The following MGAT4C variants were observed in gnomAD, a reference collection of about 807,000 sequenced individuals.
MGAT4C encodes MGAT4 family member C.
In MGAT4C, 19 loss-of-function variants were observed where a neutral mutation model predicts 40.1. The observed-to-expected ratio is 0.47, with a 90% CI of 0.33 to 0.70. MGAT4C has a LOEUF of 0.70. Ranked by LOEUF, MGAT4C falls within the 30% of genes least tolerant of loss-of-function variation. The pLI is 0.02. For missense variants in MGAT4C, 491 were observed against 563.2 expected (o/e 0.87, Z 1.30); for synonymous variants, 181 against 187.1 (o/e 0.97, Z 0.27).
At position 86,829,921 on chromosome 12, in the gene MGAT4C, A is replaced by G. The variant is rs1472189132; in HGVS notation, c.-262+8745T>C. Reference sequence around the variant, plus strand: ...AATTACAAGGCATGTTTACATACATATCGATGTTTTTTTTACATTTATATA... The same window carrying G: ...AATTACAAGGCATGTTTACATACATGTCGATGTTTTTTTTACATTTATATA... On this transcript the variant is annotated intron_variant, in intron 1 of 7. Coordinates refer to the MGAT4C transcript ENST00000548651. Among the ~76,000 whole-genome samples, 3 of 150,452 alleles carry G rather than the reference A, an allele frequency of 2.0e-5. No homozygotes were observed. In the East Asian group the frequency reaches 6.0e-4, roughly 30 times the overall value.
At chr12:86,289,265 C>A (rs532614123) in intron 4 of MGAT4C, among the ~76,000 whole-genome samples, 3 of 143,542 alleles carry the variant, frequency 2.1e-5, no homozygotes, top group African/African-American at 5.2e-5. Context: ...CACTAGTCTA[C>A]GTGTTTGTTT....
chr12:86,831,434 A>C (rs1417524479), intron 1 of MGAT4C, among the ~76,000 whole-genome samples: 1 of 151,752 alleles, frequency 6.6e-6, no homozygotes, highest in Non-Finnish European at 1.5e-5. Context: ...CCTGTAGACT[A>C]AAAATCTGCT....
intron 1 of MGAT4C, among the ~76,000 whole-genome samples, chr12:86,731,543 T>G (rs1342853586): frequency 6.6e-6 from 1 of 152,126 alleles, no homozygotes; most frequent in Non-Finnish European, 1.5e-5. Context: ...TTCAGTACCT[T>G]CGTTTATTGT....
chr12:86,615,352 G>T (rs1383587573), intron 2 of MGAT4C, among the ~76,000 whole-genome samples: 5 of 152,020 alleles, frequency 3.3e-5, no homozygotes, highest in Non-Finnish European at 7.4e-5. Flanking sequence ...GGGTTGGAGG[G>T]TGCTTAAGAA....
chr12:86,100,304 T>G (rs756755989), intron 1 of MGAT4C, among the ~76,000 whole-genome samples: 16 of 151,492 alleles, frequency 1.1e-4, no homozygotes, highest in Middle Eastern at 3.2e-3. Context: ...TTTGTTTGAT[T>G]GACCAAGGAA....
At chr12:86,746,042 C>T (rs1565961723) in intron 1 of MGAT4C, among the ~76,000 whole-genome samples, 1 of 151,622 alleles carries the variant, frequency 6.6e-6, no homozygotes, top group Non-Finnish European at 1.5e-5. Context: ...ATTTCATCCC[C>T]TCTCATTCAC....
chr12:86,582,040 C>G (rs1404188809), intron 2 of MGAT4C, among the ~76,000 whole-genome samples: 1 of 151,332 alleles, frequency 6.6e-6, no homozygotes, highest in East Asian at 1.9e-4. Flanking sequence ...ACTTCATTCA[C>G]AAGTTTTTGG....
At chr12:86,353,440 C>T (rs1955225290) in intron 3 of MGAT4C, among the ~76,000 whole-genome samples, 1 of 152,188 alleles carries the variant, frequency 6.6e-6, no homozygotes, top group African/African-American at 2.4e-5. Flanking sequence ...TCTCCCATCT[C>T]TTCTGGCCTG....
At chr12:86,515,099 G>A (rs1051819743) in intron 2 of MGAT4C, among the ~76,000 whole-genome samples, 2 of 152,148 alleles carry the variant, frequency 1.3e-5, no homozygotes, top group Non-Finnish European at 2.9e-5. Flanking sequence ...TCAGGATGTG[G>A]ATATTTGGGG....
intron 2 of MGAT4C, among the ~76,000 whole-genome samples, chr12:86,523,214 G>A (rs1958825534): frequency 6.6e-6 from 1 of 151,954 alleles, no homozygotes; most frequent in African/African-American, 2.4e-5. Flanking sequence ...CTAACTTTTT[G>A]ATGTTGGCAT....
intron 1 of MGAT4C, among the ~76,000 whole-genome samples, chr12:86,119,270 G>C (rs1221490661): frequency 3.9e-5 from 6 of 151,942 alleles, no homozygotes; most frequent in Non-Finnish European, 7.4e-5. Flanking sequence ...CAGAGGAAAA[G>C]ACCCACTTCC....
intron 2 of MGAT4C, among the ~76,000 whole-genome samples, chr12:86,491,235 A>G (rs1958126965): frequency 6.6e-6 from 1 of 152,192 alleles, no homozygotes; most frequent in African/African-American, 2.4e-5. Flanking sequence ...AAATGGTACC[A>G]TTCCTTCTGA....
At chr12:86,773,303 G>A (rs1238072199) in intron 1 of MGAT4C, among the ~76,000 whole-genome samples, 3 of 152,086 alleles carry the variant, frequency 2.0e-5, no homozygotes, top group Non-Finnish European at 4.4e-5. Flanking sequence ...AGAGGGAAGA[G>A]GATATGAAAA....
chr12:86,135,294 C>T (rs572744933), intron 1 of MGAT4C, among the ~76,000 whole-genome samples: 5 of 152,156 alleles, frequency 3.3e-5, no homozygotes, highest in African/African-American at 7.2e-5. Flanking sequence ...GGATCAAAGA[C>T]GTTTCTAGAA....
At chr12:86,411,813 A>T (rs1398609146) in intron 3 of MGAT4C, among the ~76,000 whole-genome samples, 2 of 152,190 alleles carry the variant, frequency 1.3e-5, no homozygotes, top group Non-Finnish European at 2.9e-5. Context: ...CCCTCCCATC[A>T]TAGGCCCGGA....
intron 3 of MGAT4C, among the ~76,000 whole-genome samples, chr12:86,349,814 G>C (rs1380428360): frequency 6.6e-6 from 1 of 151,960 alleles, no homozygotes; most frequent in Non-Finnish European, 1.5e-5. Flanking sequence ...AATCTCATTT[G>C]TTACGAATTA....
In MGAT4C at chr12:85,972,277, T is replaced by G. The variant is rs1456816971; in HGVS notation, c.*7012A>C. The G allele has an allele frequency of 6.6e-6, 1 of 151,112 alleles. No individual in the cohort carries two copies. The highest frequency in any genetic ancestry group is 1.5e-5 in the Non-Finnish European group (1 of 67,266). The allele number at this position is 151,112 out of a possible 1,614,324, so 9.4% of individuals were successfully genotyped here. ...GTTAAGAAGAGAAGTTACAACTGCATTAATAGGATTTTAATTTTTATTCAA... is the reference window on the plus strand; with the variant it reads ...GTTAAGAAGAGAAGTTACAACTGCAGTAATAGGATTTTAATTTTTATTCAA... On this transcript the variant is annotated 3_prime_UTR_variant, in exon 5 of 5. Transcript: ENST00000611864.
At chr12:86,068,257 G>A (rs560201069) in intron 1 of MGAT4C, 1 of 152,072 alleles carries the variant, frequency 6.6e-6, no homozygotes, top group African/African-American at 2.4e-5. Context: ...TTGCCTTTTT[G>A]GCAGATGTTC....
At chr12:86,356,798 T>C (rs1033387306) in intron 3 of MGAT4C, among the ~76,000 whole-genome samples, 1 of 151,992 alleles carries the variant, frequency 6.6e-6, no homozygotes, top group African/African-American at 2.4e-5. Context: ...TTGCTGAGGA[T>C]TGAGTAGATA....
Sources: gnomAD v4.1 joint callset for allele counts (sites outside exome capture counted in the v4.1 genomes callset) on GRCh38, gnomAD v4.1.1 for gene constraint, MANE v1.5 for transcripts, NCBI Gene and HGNC (gene_info 2026-07-23, HGNC 2026-07-21) for gene names.